Variants in TRPC7 observed in about 807,000 individuals in gnomAD.
TRPC7 encodes the protein short transient receptor potential channel 7.
Under a neutral mutation model 90.1 loss-of-function variants are expected in TRPC7, and 42 were observed. The ratio of observed to expected loss-of-function variants is 0.47; its 90% confidence interval spans 0.36 to 0.60. The LOEUF is 0.60. Among genes scored for constraint, TRPC7 ranks in the 20% least tolerant of loss-of-function variants. The probability of loss-of-function intolerance (pLI) is 0.00; values close to 1 mark genes in which losing one functional copy is unlikely to be tolerated. For synonymous variants in TRPC7, 451 were observed against 436.3 expected, an observed-to-expected ratio of 1.03 and a Z score of -0.42; for missense variants, 955 against 1,112.3, an observed-to-expected ratio of 0.86 and a Z score of 2.01.
At chr5:136,275,932 T>TGCAGAAAGAGG (rs1580889994) in intron 3 of TRPC7, among the ~76,000 whole-genome samples, 2 of 152,306 alleles carry the variant, frequency 1.3e-5, no homozygotes, top group East Asian at 3.9e-4. Context: ...TGAGCTAGTG[T>TGCAGAAAGAGG]TTGACCTCTT....
In TRPC7 at chr5:136,269,713, G is replaced by A. The variant is rs114369679; in HGVS notation, c.1129-3277C>T. Among the ~76,000 whole-genome samples, 1,278 of 152,298 alleles carry A rather than the reference G, an allele frequency of 8.4e-3. 10 individuals carry two copies. Among genetic ancestry groups the A allele is most frequent in the Middle Eastern group, 0.02 (6 of 294 alleles). On this transcript the variant is annotated intron_variant, in intron 4 of 11. Transcript: ENST00000513104. ...GAATCATGCACAGCTTCGGGGTTGG[G>A]TGATTCTCAAATGTTAGCGAGATCC...
chr5:136,235,777 G>C (rs528380233), intron 7 of TRPC7, among the ~76,000 whole-genome samples: 1 of 152,260 alleles, frequency 6.6e-6, no homozygotes, highest in East Asian at 1.9e-4. Context: ...TGATAGGAAT[G>C]GCAACTACTG....
At chr5:136,251,999 C>T in intron 5 of TRPC7, 117 bp from the exon 6 acceptor site, 1 of 771,096 alleles carries the variant, frequency 1.3e-6, no homozygotes, top group East Asian at 2.7e-5. Flanking sequence ...GGAGCTGGGA[C>T]CGTCGATAGC....
At chr5:136,248,758 G>A (rs1006077924) in intron 6 of TRPC7, among the ~76,000 whole-genome samples, 1 of 152,238 alleles carries the variant, frequency 6.6e-6, no homozygotes, top group Non-Finnish European at 1.5e-5. Context: ...GAGCAAACCT[G>A]CAAAGTGTTC....
At chr5:136,284,310 CGT>C (rs1757641954) in intron 3 of TRPC7, among the ~76,000 whole-genome samples, 1 of 152,154 alleles carries the variant, frequency 6.6e-6, no homozygotes, top group Admixed American at 6.5e-5. Flanking sequence ...TATGTGCACA[CGT>C]GTGTGTGTAT....
At chr5:136,265,131 A>G (rs1756982205) in intron 5 of TRPC7, among the ~76,000 whole-genome samples, 1 of 152,116 alleles carries the variant, frequency 6.6e-6, no homozygotes, top group South Asian at 2.1e-4. Context: ...CTTTTCAAGT[A>G]TTTGTTCTAC....
chr5:136,255,319 C>G (rs180788469), intron 5 of TRPC7, among the ~76,000 whole-genome samples: 51 of 152,288 alleles, frequency 3.3e-4, no homozygotes, highest in African/African-American at 1.2e-3. Context: ...ACTTTATTGT[C>G]TTAAGAAATT....
chr5:136,317,765 G>T (rs1156695376), intron 2 of TRPC7, among the ~76,000 whole-genome samples: 1 of 152,206 alleles, frequency 6.6e-6, no homozygotes, highest in East Asian at 1.9e-4. Flanking sequence ...CCTGCCTAGA[G>T]CTGAAGTCAT....
chr5:136,320,490 G>A (rs34201897), intron 2 of TRPC7, among the ~76,000 whole-genome samples: 15,532 of 152,050 alleles, frequency 0.1, 845 homozygotes, highest in Non-Finnish European at 0.13. Flanking sequence ...AAGTGGGGTC[G>A]TCAGTCACTG....
Position 136,266,228 on chromosome 5 carries a change from C to G in TRPC7, c.1337G>C (p.Trp446Ser), listed in dbSNP as rs754614627. ...FSWTEMLIMK[W>S]VLGMIWSECK... ...TAGAGTGACTTGCTTACCTAAGACCCACTTCATAATGAGCATTTCTGTCCA... is the reference window on the plus strand; with the variant it reads ...TAGAGTGACTTGCTTACCTAAGACCGACTTCATAATGAGCATTTCTGTCCA... Residue 446 changes from tryptophan (W) to serine (S), a missense_variant, in exon 5 of 12, where the codon TGG (tryptophan) becomes TCG (serine). Around this residue, in one of 4 missense-constraint regions of TRPC7, gnomAD observed 484 missense variants for 509.6 expected, o/e 0.95. Transcript: ENST00000513104. The G allele has an allele frequency of 1.2e-6, 2 of 1,613,554 alleles. No homozygotes were observed. The highest frequency in any genetic ancestry group is 1.7e-6 in the Non-Finnish European group (2 of 1,179,498).
chr5:136,343,247 T>C (rs937244161), intron 2 of TRPC7, among the ~76,000 whole-genome samples: 5 of 152,072 alleles, frequency 3.3e-5, no homozygotes, highest in Non-Finnish European at 5.9e-5. Flanking sequence ...AAAAGCAAGG[T>C]TTTCTGTTCA....
intron 1 of TRPC7, among the ~76,000 whole-genome samples, chr5:136,363,007 A>G (rs1760615321): frequency 6.6e-6 from 1 of 152,172 alleles, no homozygotes; most frequent in African/African-American, 2.4e-5. Flanking sequence ...TCCTTCTCAC[A>G]AAATGCAGGA....
chr5:136,330,673 C>T (rs1759471599), intron 2 of TRPC7, among the ~76,000 whole-genome samples: 1 of 152,236 alleles, frequency 6.6e-6, no homozygotes, highest in African/African-American at 2.4e-5. Flanking sequence ...TGTTTACACA[C>T]CCGAGGGAAG....
Position 136,357,107 on chromosome 5 carries a change from G to A in TRPC7, c.281C>T (p.Thr94Met), listed in dbSNP as rs536224426. Residue 94 changes from threonine to methionine, a missense_variant, in exon 2 of 12, where the codon ACG becomes ATG. Coordinates refer to ENST00000513104, the MANE Select transcript of TRPC7 (RefSeq NM_020389.3). ...LAVGNEHLEV[T>M]ELLLKKENLA... is the part of the protein sequence containing the mutation. ...GTTCTCCTTCTTCAGCAGCAGCTCCGTGACCTCTAGGTGCTCGTTGCCCAC... is the reference window on the plus strand; with the variant it reads ...GTTCTCCTTCTTCAGCAGCAGCTCCATGACCTCTAGGTGCTCGTTGCCCAC... The A allele has an allele frequency of 6.8e-6, 11 of 1,614,022 alleles. No homozygotes were observed. Among genetic ancestry groups the A allele is most frequent in the African/African-American group, 1.3e-5 (1 of 75,042 alleles).
chr5:136,225,982 G>C (rs1400825899), intron 9 of TRPC7, 52 bp downstream of exon 9: 1 of 1,482,474 alleles, frequency 6.7e-7, no homozygotes, highest in Non-Finnish European at 9.2e-7. Flanking sequence ...CTCTAGACTC[G>C]CCTGCCCCCT....
intron 2 of TRPC7, among the ~76,000 whole-genome samples, chr5:136,338,139 C>T (rs1041453115): frequency 3.9e-5 from 6 of 152,146 alleles, no homozygotes; most frequent in Admixed American, 6.5e-5. Context: ...TTAGCAGTCT[C>T]ACTCTGGAGC....
intron 3 of TRPC7, among the ~76,000 whole-genome samples, chr5:136,289,235 G>A (rs1053569089): frequency 2.6e-5 from 4 of 152,152 alleles, no homozygotes; most frequent in Non-Finnish European, 4.4e-5. Flanking sequence ...CATGAGCGAC[G>A]CAGAAGACGG....
At chr5:136,316,270 C>G (rs1300400865) in intron 2 of TRPC7, among the ~76,000 whole-genome samples, 42 of 152,126 alleles carry the variant, frequency 2.8e-4, no homozygotes, top group Admixed American at 2.7e-3. Context: ...GTAAATAACA[C>G]TTCGCTCATT....
At chr5:136,300,124 C>CA (rs757620850) in intron 3 of TRPC7, among the ~76,000 whole-genome samples, 1 of 152,156 alleles carries the variant, frequency 6.6e-6, no homozygotes, top group Non-Finnish European at 1.5e-5. Flanking sequence ...GCAAAACAGG[C>CA]AAAAAGCAAT....
Sources: allele counts gnomAD v4.1 joint callset (sites outside exome capture counted in the v4.1 genomes callset), GRCh38; gene constraint gnomAD v4.1.1; regional missense constraint gnomAD v4.1.1; transcripts MANE v1.5; gene names NCBI Gene and HGNC (gene_info 2026-07-23, HGNC 2026-07-21).